GOLIM4: variants seen among roughly 807,000 people sequenced by gnomAD.
GOLIM4 encodes the protein 130 kDa golgi-localized phosphoprotein.
GOLIM4 carries 71 observed loss-of-function variants against 107.4 expected under a neutral mutation model. That is an observed-to-expected ratio of 0.66 (90% confidence interval 0.55 to 0.81). The LOEUF (loss-of-function observed/expected upper bound fraction) is 0.81, where lower values mean the gene tolerates loss of function less well. GOLIM4 is among the 30% of genes least tolerant of loss of function. The pLI, the probability that GOLIM4 is intolerant of heterozygous loss-of-function variation, is 0.00. For synonymous variants in GOLIM4, 327 were observed against 294.8 expected (o/e 1.11, Z -1.12); for missense variants, 830 against 826.1 (o/e 1.00, Z -0.06).
In GOLIM4 at chr3:168,095,248, A is replaced by C; in HGVS notation, c.38T>G (p.Ile13Ser). 1 of 1,613,442 alleles carries C rather than the reference A, an allele frequency of 6.2e-7. No individual in the cohort carries two copies. Among genetic ancestry groups the C allele is most frequent in the Non-Finnish European group, 8.5e-7 (1 of 1,179,980 alleles). Reference sequence around the variant, plus strand: ...GGTCAGCAGCAGCAGCGTCTGGAAAATCCGCTTCTGCTTTCGGGAGCACAT... The same window carrying C: ...GGTCAGCAGCAGCAGCGTCTGGAAACTCCGCTTCTGCTTTCGGGAGCACAT... ...NGMCSRKQKRIFQTLLLLTVV... is the reference protein window; with the variant it reads ...NGMCSRKQKRSFQTLLLLTVV... Residue 13 changes from isoleucine to serine, a missense_variant, in exon 1 of 16, where the codon ATT (isoleucine) becomes AGT (serine). Coordinates refer to ENST00000470487, the MANE Select transcript of GOLIM4 (RefSeq NM_014498.5).
At chr3:168,052,899 T>C (rs563957506) in intron 1 of GOLIM4, among the ~76,000 whole-genome samples, 1 of 152,322 alleles carries the variant, frequency 6.6e-6, no homozygotes, top group East Asian at 1.9e-4. Context: ...AAAATAAGTA[T>C]GAAAATAATG....
In GOLIM4 at chr3:168,027,730, C is replaced by G. The variant is rs1025318132; in HGVS notation, c.1621G>C (p.Asp541His). 6.3e-7 allele frequency: 1 copy of G among 1,579,832 alleles called. No individual in the cohort carries two copies. The highest frequency in any genetic ancestry group is 1.1e-5 in the South Asian group (1 of 90,322). Residue 541 changes from aspartate (D) to histidine (H), a missense_variant and splice_region_variant, in exon 12 of 16, where the codon GAT becomes CAT. Transcript: ENST00000470487. ...GGGGCAGAAGAGAGGATACTTACATCTGCCTCAGATTCTGGGTCGGCTTCT... is the reference window on the plus strand; with the variant it reads ...GGGGCAGAAGAGAGGATACTTACATGTGCCTCAGATTCTGGGTCGGCTTCT... ...PREADPESEA[D>H]RAAVEDINPA...
In GOLIM4 at chr3:168,032,876, A is replaced by G; in HGVS notation, c.844-24T>C. On this transcript the variant is annotated intron_variant, in intron 8 of 15. Transcript: ENST00000470487. The stretch of plus-strand genomic sequence containing the variant: ...ACCTAGGCCAAGCACATCACTGGGA[A>G]TGACACTCTTCCAATTTCAAAAGTA... The G allele has an allele frequency of 2.0e-6, 3 of 1,529,456 alleles. No individual in the cohort carries two copies. In the African/African-American group the frequency reaches 4.1e-5, roughly 21 times the overall value. 94.7% of individuals were successfully genotyped at this position (1,529,456 alleles called of 1,614,324 possible). A position where few individuals can be genotyped will look rare whatever the true frequency, so the allele number is the denominator to read the frequency against.
At chr3:168,048,855 T>C (rs1719465612) in intron 1 of GOLIM4, among the ~76,000 whole-genome samples, 1 of 152,046 alleles carries the variant, frequency 6.6e-6, no homozygotes. Flanking sequence ...GCTGCCTGGA[T>C]CCATAAGGAG....
chr3:168,080,983 G>A (rs888454626), intron 1 of GOLIM4, among the ~76,000 whole-genome samples: 3 of 152,106 alleles, frequency 2.0e-5, no homozygotes, highest in African/African-American at 4.8e-5. Flanking sequence ...AAAACACACA[G>A]CTGGAGACTC....
intron 1 of GOLIM4, among the ~76,000 whole-genome samples, chr3:168,073,323 A>G (rs982351299): frequency 6.6e-6 from 1 of 152,246 alleles, no homozygotes; most frequent in African/African-American, 2.4e-5. Context: ...TATAAGATAA[A>G]CCAGTAAATA....
intron 14 of GOLIM4, among the ~76,000 whole-genome samples, chr3:168,023,618 C>T (rs1394097971): frequency 6.6e-6 from 1 of 152,168 alleles, no homozygotes; most frequent in Non-Finnish European, 1.5e-5. Context: ...CCATGGGGTT[C>T]CCCATAGGGA....
intron 1 of GOLIM4, among the ~76,000 whole-genome samples, chr3:168,053,227 T>G (rs2108259475): frequency 6.6e-6 from 1 of 152,300 alleles, no homozygotes; most frequent in South Asian, 2.1e-4. Context: ...CTATGCAATT[T>G]CAAGGCAAAC....
chr3:168,085,398 C>T (rs549671434), intron 1 of GOLIM4, among the ~76,000 whole-genome samples: 8 of 152,284 alleles, frequency 5.3e-5, no homozygotes, highest in African/African-American at 7.2e-5. Context: ...TGTCTCTCCC[C>T]GATCTTGGCA....
chr3:168,012,764 C>T lies in GOLIM4; in HGVS notation c.1861-1941G>A, dbSNP rs942701958. Among the ~76,000 whole-genome samples, 15 of 152,018 alleles carry T rather than the reference C, an allele frequency of 9.9e-5. 1 individual carries two copies. Among genetic ancestry groups the T allele is most frequent in the Admixed American group, 9.8e-4 (15 of 15,260 alleles). On this transcript the variant is annotated intron_variant, in intron 14 of 15. Coordinates refer to ENST00000470487, the MANE Select transcript of GOLIM4 (RefSeq NM_014498.5). The stretch of plus-strand genomic sequence containing the variant: ...ATTCTTAAAGACAAAAATTTTCAAC[C>T]CAGAATTTCATATCCAGCCAAACTA...
chr3:168,043,563 T>A (rs532496060), intron 4 of GOLIM4, 34 bp from the exon 5 acceptor site: 13 of 1,555,442 alleles, frequency 8.4e-6, no homozygotes, highest in Middle Eastern at 1.7e-4. Context: ...GAAATATACA[T>A]TCTCTGAATT....
intron 11 of GOLIM4, 93 bp downstream of exon 11, chr3:168,029,130 G>A: frequency 1.2e-6 from 1 of 805,860 alleles, no homozygotes; most frequent in South Asian, 1.6e-5. Context: ...TATGCATACA[G>A]CTCATTGATG....
intron 8 of GOLIM4, among the ~76,000 whole-genome samples, chr3:168,033,121 C>G (rs1212107473): frequency 6.6e-6 from 1 of 152,138 alleles, no homozygotes; most frequent in Non-Finnish European, 1.5e-5. Flanking sequence ...TAACCAATAT[C>G]TCAGAAGTAC....
Position 168,095,310 on chromosome 3 carries a change from G to C in GOLIM4, c.-25C>G, listed in dbSNP as rs781114947. 1.3e-6 allele frequency: 2 copies of C among 1,599,824 alleles called. No individual in the cohort carries two copies. Among genetic ancestry groups the C allele is most frequent in the African/African-American group, 1.3e-5 (1 of 74,458 alleles). On this transcript the variant is annotated 5_prime_UTR_variant, in exon 1 of 16. Coordinates refer to ENST00000470487, the MANE Select transcript of GOLIM4 (RefSeq NM_014498.5). ...TAGTCCCGCCTGGACCCAAAGCCGCGGCCGCCCCCGCCGTCTCCTCCCCTT... is the reference window on the plus strand; with the variant it reads ...TAGTCCCGCCTGGACCCAAAGCCGCCGCCGCCCCCGCCGTCTCCTCCCCTT...
intron 14 of GOLIM4, among the ~76,000 whole-genome samples, chr3:168,020,068 A>G (rs145682175): frequency 1.3e-5 from 2 of 152,328 alleles, no homozygotes; most frequent in Admixed American, 6.5e-5. Flanking sequence ...TAATTACGGT[A>G]GCCTTTAAAA....
At chr3:168,060,059 C>T (rs1720177765) in intron 1 of GOLIM4, among the ~76,000 whole-genome samples, 1 of 151,002 alleles carries the variant, frequency 6.6e-6, no homozygotes, top group South Asian at 2.1e-4. Flanking sequence ...CCACTGAGAA[C>T]TTGGGATTTT....
intron 1 of GOLIM4, among the ~76,000 whole-genome samples, chr3:168,060,235 T>A (rs1384576727): frequency 1.3e-5 from 2 of 151,870 alleles, no homozygotes; most frequent in African/African-American, 4.8e-5. Flanking sequence ...AGTGCAGAGA[T>A]CTGAGCAGAA....
intron 14 of GOLIM4, among the ~76,000 whole-genome samples, chr3:168,016,294 CTCA>C (rs1717360758): frequency 7.4e-6 from 1 of 134,862 alleles, no homozygotes; most frequent in Non-Finnish European, 1.5e-5. Flanking sequence ...TGAAAAAATG[CTCA>C]TCATCACTGG....
At chr3:168,068,770 T>C (rs146259764) in intron 1 of GOLIM4, among the ~76,000 whole-genome samples, 46 of 152,112 alleles carry the variant, frequency 3.0e-4, no homozygotes, top group African/African-American at 1.0e-3. Flanking sequence ...GATTCCTTTG[T>C]CAATTGTGAA....
Sources: allele counts gnomAD v4.1 joint callset (sites outside exome capture counted in the v4.1 genomes callset), GRCh38; gene constraint gnomAD v4.1.1; transcripts MANE v1.5; gene names NCBI Gene and HGNC (gene_info 2026-07-23, HGNC 2026-07-21).